The following CCDC81 variants were observed in gnomAD, a reference collection of about 807,000 sequenced individuals.
CCDC81 encodes the protein coiled-coil domain containing 81.
Under a neutral mutation model 83.7 loss-of-function variants are expected in CCDC81, and 79 were observed. The observed-to-expected ratio is 0.94, with a 90% CI of 0.79 to 1.14. The LOEUF (loss-of-function observed/expected upper bound fraction) is 1.14. Among genes scored for constraint, CCDC81 ranks in the 50% most tolerant of loss-of-function variants. The pLI is 0.00. For synonymous variants in CCDC81, 252 were observed against 278.1 expected (o/e 0.91, Z 0.93); for missense variants, 791 against 778.1 (o/e 1.02, Z -0.20).
At chr11:86,418,634 T>C (rs1260570725) in intron 13 of CCDC81, among the ~76,000 whole-genome samples, 1 of 152,188 alleles carries the variant, frequency 6.6e-6, no homozygotes, top group African/African-American at 2.4e-5. Flanking sequence ...GACAAAATAC[T>C]GTATGACTCC....
intron 4 of CCDC81, 119 bp from the exon 5 acceptor site, chr11:86,395,215 A>G (rs1399946415): frequency 7.1e-6 from 5 of 700,626 alleles, no homozygotes; most frequent in Non-Finnish European, 1.2e-5. Flanking sequence ...ATAAGCGCTT[A>G]ACATAAACAA....
At chr11:86,422,027 C>T (rs968433584) in intron 14 of CCDC81, among the ~76,000 whole-genome samples, 2 of 152,102 alleles carry the variant, frequency 1.3e-5, no homozygotes, top group African/African-American at 4.8e-5. Context: ...TTACTACTGC[C>T]TCTTTATTTC....
chr11:86,418,119 A>G (rs370822903), intron 13 of CCDC81, among the ~76,000 whole-genome samples: 1 of 152,358 alleles, frequency 6.6e-6, no homozygotes, highest in African/African-American at 2.4e-5. Context: ...AAATGAAAAA[A>G]TGATTAACAC....
At chr11:86,397,121 C>T (rs1270055362) in intron 5 of CCDC81, among the ~76,000 whole-genome samples, 1 of 151,902 alleles carries the variant, frequency 6.6e-6, no homozygotes, top group Non-Finnish European at 1.5e-5. Context: ...ATCCCCCTTC[C>T]TCCCTGCTGC....
chr11:86,404,377 T>C (rs1948536813), intron 7 of CCDC81, among the ~76,000 whole-genome samples: 1 of 152,214 alleles, frequency 6.6e-6, no homozygotes, highest in Non-Finnish European at 1.5e-5. Flanking sequence ...TTGCATATTA[T>C]CTGTACCTGC....
chr11:86,381,967 A>AACTTAT (rs1301729176), intron 1 of CCDC81, among the ~76,000 whole-genome samples: 2 of 152,146 alleles, frequency 1.3e-5, no homozygotes, highest in Non-Finnish European at 2.9e-5. Context: ...CAGGGGCAAA[A>AACTTAT]ACTTATGGTG....
Position 86,400,813 on chromosome 11 carries a change from A to AC in CCDC81, c.881+13dup. 1 of 1,574,972 alleles carries AC rather than the reference A, an allele frequency of 6.3e-7. No homozygotes were observed. Among genetic ancestry groups the AC allele is most frequent in the Non-Finnish European group, 8.7e-7 (1 of 1,155,602 alleles). The stretch of plus-strand genomic sequence containing the variant: ...ATGACCCCTGAAAGGTAATGCATTG[A>AC]CTTTTTTTTTTCTGTTGTACTTTAC... On this transcript the variant is annotated intron_variant, in intron 7 of 14. Transcript: ENST00000445632.
rs776085268 is a variant in CCDC81 at position 86,422,698 on chromosome 11, T to A, written c.1942T>A (p.Ser648Thr). The change falls in exon 15 of 15, where the codon TCC becomes ACC. Residue 648 changes from serine to threonine, a missense_variant. Coordinates refer to ENST00000445632, the MANE Select transcript of CCDC81 (RefSeq NM_001156474.2). The stretch of plus-strand genomic sequence containing the variant: ...GCCCCTGAACAAGTTCCTGCCTGGC[T>A]CCCGGTTGCTTGTGTAAAACTCAAA... ...LWPLNKFLPG[S>T]RLLV 5 of 1,613,358 alleles carry A rather than the reference T, an allele frequency of 3.1e-6. No individual in the cohort carries two copies. The highest frequency in any genetic ancestry group is 4.2e-6 in the Non-Finnish European group (5 of 1,179,582).
chr11:86,390,922 C>T (rs902948889), intron 3 of CCDC81, among the ~76,000 whole-genome samples: 2 of 151,938 alleles, frequency 1.3e-5, no homozygotes, highest in African/African-American at 2.4e-5. Flanking sequence ...GACTAGAGAT[C>T]AAGATTTGGA....
chr11:86,380,503 A>G (rs1948162614), intron 1 of CCDC81, among the ~76,000 whole-genome samples: 1 of 152,164 alleles, frequency 6.6e-6, no homozygotes, highest in Admixed American at 6.5e-5. Flanking sequence ...CTGACATTAG[A>G]GGGAAATTCT....
chr11:86,415,196 A>G lies in CCDC81; in HGVS notation c.1574A>G (p.Glu525Gly). 6.2e-7 allele frequency: 1 copy of G among 1,614,198 alleles called. No individual in the cohort carries two copies. The highest frequency in any genetic ancestry group is 8.5e-7 in the Non-Finnish European group (1 of 1,180,030). ...CTGATGGTGGAAAAGCAAAAGCGAG[A>G]ACAAAATTACATGAAACACCAGCTG... The part of the protein sequence containing the change: ...GELMVEKQKR[E>G]QNYMKHQLEA... The change falls in exon 13 of 15, where the codon GAA (glutamate) becomes GGA (glycine). Residue 525 changes from glutamate (E) to glycine (G), a missense_variant. Physicochemically the swap from Glu to Gly is moderately conservative, Grantham distance 98. Transcript: ENST00000445632.
intron 7 of CCDC81, among the ~76,000 whole-genome samples, chr11:86,406,457 C>G (rs573659804): frequency 2.2e-4 from 34 of 152,320 alleles, no homozygotes; most frequent in South Asian, 1.0e-3. Flanking sequence ...TTCAGCACTT[C>G]TATTAAATGC....
At chr11:86,405,361 A>AT (rs1216510316) in intron 7 of CCDC81, among the ~76,000 whole-genome samples, 1 of 152,136 alleles carries the variant, frequency 6.6e-6, no homozygotes, top group Non-Finnish European at 1.5e-5. Flanking sequence ...CATTTTAAGA[A>AT]TTTTTGTGTG....
At chr11:86,379,069 T>A (rs1948137552) in intron 1 of CCDC81, among the ~76,000 whole-genome samples, 2 of 151,976 alleles carry the variant, frequency 1.3e-5, no homozygotes, top group Non-Finnish European at 2.9e-5. Flanking sequence ...ATTTTACGAT[T>A]CCATTTTCTC....
Position 86,377,968 on chromosome 11 carries a change from C to CTTTTTTTTTTTTTTTTTTTTTTTT in CCDC81, c.79+2748_79+2749insTTTTTTTTTTTTTTTTTTTTTTTT, listed in dbSNP as rs61157417. ...AAGGTGTAAGGTCTGTGCCTAGGTTCTTTTTTTTTTTTTTTTTTTTTTGCA... is the reference window on the plus strand; with the variant it reads ...AAGGTGTAAGGTCTGTGCCTAGGTTCTTTTTTTTTTTTTTTTTTTTTTTTTTTTTTTTTTTTTTTTTTTTTTGCA... On this transcript the variant is annotated intron_variant, in intron 1 of 14. Coordinates refer to ENST00000445632, the MANE Select transcript of CCDC81 (RefSeq NM_001156474.2). Among the ~76,000 whole-genome samples, 7 of 73,350 alleles carry CTTTTTTTTTTTTTTTTTTTTTTTT rather than the reference C, an allele frequency of 9.5e-5. 1 individual carries two copies. Among genetic ancestry groups the CTTTTTTTTTTTTTTTTTTTTTTTT allele is most frequent in the Non-Finnish European group, 1.7e-4 (7 of 41,948 alleles). The allele number at this position is 73,350 out of a possible 152,430, so 48.1% of individuals were successfully genotyped here.
intron 13 of CCDC81, 112 bp from the exon 14 acceptor site, chr11:86,419,816 T>C: frequency 9.3e-7 from 1 of 1,078,290 alleles, no homozygotes; most frequent in South Asian, 2.0e-5. Flanking sequence ...TATTTCAGAG[T>C]AGTGAACAAA....
intron 11 of CCDC81, 143 bp from the exon 12 acceptor site, chr11:86,414,646 A>C: frequency 1.6e-6 from 1 of 606,174 alleles, no homozygotes; most frequent in Admixed American, 3.5e-5. Flanking sequence ...CTTAAAATGA[A>C]AGCTACCAGA....
At position 86,387,550 on chromosome 11, in the gene CCDC81, T is replaced by A. The variant is rs1302117483; in HGVS notation, c.176T>A (p.Phe59Tyr). 6.2e-7 allele frequency: 1 copy of A among 1,614,100 alleles called. No individual in the cohort carries two copies. The highest frequency in any genetic ancestry group is 8.5e-7 in the Non-Finnish European group (1 of 1,179,980). ...VQIPAFGTFT[F>Y]IRQKLEVGNN... ...ATTCCAGCATTTGGAACTTTCACTT[T>A]CATAAGACAAAAGCTTGAGGTGGGA... The change falls in exon 3 of 15, where the codon TTC becomes TAC. Residue 59 changes from phenylalanine (F) to tyrosine (Y), a missense_variant. By Grantham distance (22) the Phe-to-Tyr change is conservative. Transcript: ENST00000445632.
rs567745725 is a variant in CCDC81 at position 86,396,669 on chromosome 11, C to T, written c.636-952C>T. On this transcript the variant is annotated intron_variant, in intron 5 of 14. Coordinates refer to ENST00000445632, the MANE Select transcript of CCDC81 (RefSeq NM_001156474.2). ...TAAGCCTTAGAGGTTGTTTTCCAACCGCCTCATCTTGCACACGAAATGGCC... is the reference window on the plus strand; with the variant it reads ...TAAGCCTTAGAGGTTGTTTTCCAACTGCCTCATCTTGCACACGAAATGGCC... Among the ~76,000 whole-genome samples, 71 of 152,164 alleles carry T rather than the reference C, an allele frequency of 4.7e-4. 1 individual carries two copies. In the South Asian group the frequency reaches 0.013, roughly 28 times the overall value.
Sources: allele counts gnomAD v4.1 joint callset (sites outside exome capture counted in the v4.1 genomes callset), GRCh38; gene constraint gnomAD v4.1.1; transcripts MANE v1.5; gene names NCBI Gene and HGNC (gene_info 2026-07-23, HGNC 2026-07-21).